The following NUP37 variants were observed in gnomAD, a reference collection of about 807,000 sequenced individuals.
The protein encoded by NUP37 is nucleoporin 37, also known as nucleoporin Nup37.
Under a neutral mutation model 45.4 loss-of-function variants are expected in NUP37, and 33 were observed. The ratio of observed to expected loss-of-function variants is 0.73; its 90% CI spans 0.55 to 0.97. NUP37 has a LOEUF of 0.97. Among genes scored for constraint, NUP37 ranks in the 50% least tolerant of loss-of-function variants. The pLI, the probability that NUP37 is intolerant of heterozygous loss-of-function variation, is 0.00. For synonymous variants in NUP37, 127 were observed against 130.7 expected (o/e 0.97, Z 0.19); for missense variants, 365 against 389.7 (o/e 0.94, Z 0.53).
chr12:102,110,713 G>C (rs1014319759), intron 3 of NUP37, among the ~76,000 whole-genome samples: 1 of 152,014 alleles, frequency 6.6e-6, no homozygotes, highest in African/African-American at 2.4e-5. Flanking sequence ...ATGATGATGG[G>C]CGCCTATAGT....
At chr12:102,083,878 T>C (rs1229463950) in intron 6 of NUP37, among the ~76,000 whole-genome samples, 5 of 152,170 alleles carry the variant, frequency 3.3e-5, no homozygotes, top group East Asian at 1.9e-4. Flanking sequence ...ACGGGATGTG[T>C]TGAAAATATC....
In NUP37 at chr12:102,118,601, G is replaced by C; in HGVS notation, c.-65-18C>G. On this transcript the variant is annotated intron_variant, in intron 1 of 9. Transcript: ENST00000552283. ...TCACGAAACTGTGGATTAGAGCACAGGTACAATTACAATGGTCAATATGTT... is the reference window on the plus strand; with the variant it reads ...TCACGAAACTGTGGATTAGAGCACACGTACAATTACAATGGTCAATATGTT... The C allele has an allele frequency of 8.0e-7, 1 of 1,242,674 alleles. No individual in the cohort carries two copies. The highest frequency in any genetic ancestry group is 1.1e-6 in the Non-Finnish European group (1 of 886,498). The allele number at this position is 1,242,674 out of a possible 1,614,324, so 77.0% of individuals were successfully genotyped here.
chr12:102,088,707 T>TTC (rs1259492515), intron 5 of NUP37, among the ~76,000 whole-genome samples: 43 of 149,382 alleles, frequency 2.9e-4, no homozygotes, highest in Non-Finnish European at 5.0e-4. Context: ...GTTTTAATTT[T>TTC]TTTTTTTTTT....
At chr12:102,088,919 G>A (rs1331705277) in intron 5 of NUP37, among the ~76,000 whole-genome samples, 1 of 151,892 alleles carries the variant, frequency 6.6e-6, no homozygotes, top group Admixed American at 6.6e-5. Flanking sequence ...GACTCTTAAC[G>A]AGCATGCTGC....
chr12:102,081,398 G>T (rs955860390), intron 6 of NUP37, among the ~76,000 whole-genome samples: 1 of 152,134 alleles, frequency 6.6e-6, no homozygotes, highest in African/African-American at 2.4e-5. Context: ...GCTACAGGGG[G>T]AATTTTTCCT....
intron 5 of NUP37, among the ~76,000 whole-genome samples, chr12:102,088,498 CCTTA>C (rs971276979): frequency 3.9e-5 from 6 of 152,162 alleles, no homozygotes; most frequent in African/African-American, 9.7e-5. Context: ...ACTCATACTT[CCTTA>C]CTGTCTCACA....
intron 5 of NUP37, among the ~76,000 whole-genome samples, chr12:102,097,376 T>C (rs771625713): frequency 3.0e-4 from 45 of 152,204 alleles, no homozygotes; most frequent in Non-Finnish European, 6.2e-4. Flanking sequence ...CTAAAAGACT[T>C]ACTCTTTAGT....
At chr12:102,074,771 T>C (rs1362601550) in intron 9 of NUP37, 1 of 447,844 alleles carries the variant, frequency 2.2e-6, no homozygotes, top group Non-Finnish European at 3.9e-6. Context: ...AAAAAGCTTC[T>C]TATATGAATA....
intron 7 of NUP37, 96 bp from the exon 8 acceptor site, chr12:102,076,943 G>A (rs1879187935): frequency 1.2e-6 from 1 of 824,132 alleles, no homozygotes. Context: ...AGGACAGAAT[G>A]TCCAATGTGT....
intron 5 of NUP37, among the ~76,000 whole-genome samples, chr12:102,094,540 G>T (rs886926736): frequency 1.3e-5 from 2 of 151,942 alleles, no homozygotes; most frequent in Admixed American, 1.3e-4. Flanking sequence ...CTTAATTATG[G>T]ATCTTAAAGA....
At chr12:102,115,584 C>G (rs1880440876) in intron 2 of NUP37, among the ~76,000 whole-genome samples, 1 of 152,162 alleles carries the variant, frequency 6.6e-6, no homozygotes, top group South Asian at 2.1e-4. Context: ...TCTTGGCACC[C>G]AGTATGCACT....
rs900562730 is a variant in NUP37, at chr12:102,120,096, G to C, written c.-112C>G. On this transcript the variant is annotated 5_prime_UTR_variant, in exon 1 of 10. Coordinates refer to ENST00000552283, the MANE Select transcript of NUP37 (RefSeq NM_024057.4). ...CAGAGGCAGGCTGGTCTTCCTTGGGGGCTGCCGCGACGCGCTGTGGCTCTG... is the reference window on the plus strand; with the variant it reads ...CAGAGGCAGGCTGGTCTTCCTTGGGCGCTGCCGCGACGCGCTGTGGCTCTG... 5.8e-6 allele frequency: 1 copy of C among 173,294 alleles called. No homozygotes were observed. Among genetic ancestry groups the C allele is most frequent in the Non-Finnish European group, 1.3e-5 (1 of 79,146 alleles). The allele number at this position is 173,294 out of a possible 1,614,324, so 10.7% of individuals were successfully genotyped here.
At chr12:102,106,401 C>T (rs1052361522) in intron 3 of NUP37, among the ~76,000 whole-genome samples, 1 of 152,146 alleles carries the variant, frequency 6.6e-6, no homozygotes, top group African/African-American at 2.4e-5. Flanking sequence ...CATATTTTAA[C>T]AACATTTTCA....
intron 6 of NUP37, among the ~76,000 whole-genome samples, chr12:102,085,212 G>T (rs920406181): frequency 3.9e-5 from 6 of 152,130 alleles, no homozygotes; most frequent in African/African-American, 1.4e-4. Context: ...CTGAGCTCAG[G>T]AGTTTGAGAG....
At chr12:102,089,831 C>G (rs1879596720) in intron 5 of NUP37, among the ~76,000 whole-genome samples, 1 of 152,198 alleles carries the variant, frequency 6.6e-6, no homozygotes. Flanking sequence ...CAGTACACAA[C>G]AACATATATA....
At chr12:102,102,396 C>T (rs1297019367) in intron 3 of NUP37, among the ~76,000 whole-genome samples, 1 of 152,174 alleles carries the variant, frequency 6.6e-6, no homozygotes, top group Non-Finnish European at 1.5e-5. Flanking sequence ...TGGAATAAAG[C>T]ATGTCTTCTT....
At chr12:102,106,320 T>C (rs1377721672) in intron 3 of NUP37, among the ~76,000 whole-genome samples, 2 of 152,260 alleles carry the variant, frequency 1.3e-5, no homozygotes, top group Non-Finnish European at 2.9e-5. Context: ...ATAAATAGTA[T>C]ACAAATATAT....
intron 3 of NUP37, among the ~76,000 whole-genome samples, chr12:102,104,118 C>T (rs1347486505): frequency 9.2e-5 from 14 of 152,122 alleles, no homozygotes; most frequent in Admixed American, 2.0e-4. Context: ...CTCCACATCC[C>T]GGGTCAACAT....
At chr12:102,082,249 T>C (rs1879349500) in intron 6 of NUP37, among the ~76,000 whole-genome samples, 5 of 152,116 alleles carry the variant, frequency 3.3e-5, no homozygotes, top group Admixed American at 3.3e-4. Context: ...GCTTTTTTTA[T>C]GGTTTATATC....
Sources: allele counts gnomAD v4.1 joint callset (sites outside exome capture counted in the v4.1 genomes callset), GRCh38; gene constraint gnomAD v4.1.1; transcripts MANE v1.5; gene names NCBI Gene and HGNC (gene_info 2026-07-23, HGNC 2026-07-21).